ATCAY: variants seen among roughly 807,000 people sequenced by gnomAD.
ATCAY encodes the protein caytaxin.
Under a neutral mutation model 47.7 loss-of-function variants are expected in ATCAY, and 22 were observed. The ratio of observed to expected loss-of-function variants is 0.46; its 90% CI spans 0.33 to 0.66. The LOEUF (loss-of-function observed/expected upper bound fraction) is 0.66. Ranked by LOEUF, ATCAY falls within the 30% of genes least tolerant of loss-of-function variation. The probability of loss-of-function intolerance (pLI) is 0.02; values close to 1 mark genes in which losing one functional copy is unlikely to be tolerated. For synonymous variants in ATCAY, 216 were observed against 207.6 expected (o/e 1.04, Z -0.35); for missense variants, 452 against 515.0 (o/e 0.88, Z 1.18).
intron 9 of ATCAY, 58 bp downstream of exon 9, chr19:3,913,914 G>T: frequency 2.0e-6 from 3 of 1,487,894 alleles, no homozygotes; most frequent in Non-Finnish European, 2.8e-6. Context: ...TGCTGATAAA[G>T]ACACACCTGA....
chr19:3,923,361 G>A (rs568918363), intron 12 of ATCAY, among the ~76,000 whole-genome samples: 9 of 152,154 alleles, frequency 5.9e-5, no homozygotes, highest in Non-Finnish European at 1.2e-4. Flanking sequence ...TAATAAGCAT[G>A]TTTTAACAAT....
intron 4 of ATCAY, among the ~76,000 whole-genome samples, chr19:3,905,980 G>A (rs1031790902): frequency 7.9e-5 from 12 of 152,002 alleles, no homozygotes; most frequent in African/African-American, 2.9e-4. Context: ...AGACCATCCT[G>A]GCTGACACAG....
intron 10 of ATCAY, among the ~76,000 whole-genome samples, chr19:3,918,566 C>A (rs12983915): frequency 4.1e-4 from 55 of 133,694 alleles, no homozygotes; most frequent in South Asian, 2.9e-3. Flanking sequence ...AAAAAAAAAA[C>A]AAAAAAAAAC....
chr19:3,914,235 C>CAAAAAAAAAAAAAAAAAAA lies in ATCAY; in HGVS notation c.965+394_965+395insAAAAAAAAAAAAAAAAAAA, dbSNP rs56742726. Among the ~76,000 whole-genome samples, 46 of 62,548 alleles carry CAAAAAAAAAAAAAAAAAAA rather than the reference C, an allele frequency of 7.4e-4. 7 individuals carry two copies. The highest frequency in any genetic ancestry group is 4.0e-3 in the African/African-American group (38 of 9,552). The allele number at this position is 62,548 out of a possible 152,430, so 41.0% of individuals were successfully genotyped here. ...TGGGCCACAGAGCGAGACTCCATCGCAAAAAAAAAAAAAAAGGGCTAACGG... is the reference window on the plus strand; with the variant it reads ...TGGGCCACAGAGCGAGACTCCATCGCAAAAAAAAAAAAAAAAAAAAAAAAAAAAAAAAAAGGGCTAACGG... On this transcript the variant is annotated intron_variant, in intron 9 of 12. Transcript: ENST00000450849.
Position 3,920,799 on chromosome 19 carries a change from G to A in ATCAY, c.1106+1G>A, listed in dbSNP as rs1306164132. On this transcript the variant is annotated splice_donor_variant, in intron 12 of 12. Transcript: ENST00000450849. LOFTEE classifies it high-confidence loss of function. ...TGGTCTCAGAAGATCAGGAAACAAG[G>A]TGGGTGTGATGCAGAGTGGTCTTCG... 3 of 1,613,654 alleles carry A rather than the reference G, an allele frequency of 1.9e-6. No individual in the cohort carries two copies. Among genetic ancestry groups the A allele is most frequent in the African/African-American group, 1.3e-5 (1 of 74,924 alleles).
intron 2 of ATCAY, 31 bp from the exon 3 acceptor site, chr19:3,902,456 G>T: frequency 6.4e-7 from 1 of 1,559,122 alleles, no homozygotes; most frequent in Non-Finnish European, 8.7e-7. Context: ...GGTGCCCGGC[G>T]ACTGATGCCT....
intron 2 of ATCAY, among the ~76,000 whole-genome samples, chr19:3,887,718 C>G (rs1212166565): frequency 6.6e-6 from 1 of 150,596 alleles, no homozygotes. Flanking sequence ...GATCGTCTGA[C>G]CTCGTGATCC....
chr19:3,881,501 TG>T (rs36117954), intron 1 of ATCAY, among the ~76,000 whole-genome samples: 48,402 of 151,612 alleles, frequency 0.32, 8,417 homozygotes, highest in Non-Finnish European at 0.39. Flanking sequence ...AACTCGTATG[TG>T]ATTTGTTAAT....
chr19:3,902,839 T>C (rs1353867057), intron 3 of ATCAY, among the ~76,000 whole-genome samples: 1 of 152,094 alleles, frequency 6.6e-6, no homozygotes, highest in Non-Finnish European at 1.5e-5. Context: ...AGAGGGGGCA[T>C]GTAAGGATTA....
chr19:3,908,451 G>A (rs967991593), intron 6 of ATCAY, 81 bp downstream of exon 6: 4 of 1,306,336 alleles, frequency 3.1e-6, no homozygotes, highest in Non-Finnish European at 3.2e-6. Flanking sequence ...TGCAAGGATT[G>A]CATTGTGGCC....
At chr19:3,892,806 G>T (rs1349777156) in intron 2 of ATCAY, among the ~76,000 whole-genome samples, 1 of 152,024 alleles carries the variant, frequency 6.6e-6, no homozygotes, top group Non-Finnish European at 1.5e-5. Flanking sequence ...TACTGGGGAG[G>T]CTGAAGCAGG....
At chr19:3,920,580 T>A (rs907976183) in intron 11 of ATCAY, 186 bp from the exon 12 acceptor site, 1 of 269,732 alleles carries the variant, frequency 3.7e-6, no homozygotes, top group Non-Finnish European at 6.7e-6. Context: ...TGACCTCAAG[T>A]GATCCACCCA....
intron 3 of ATCAY, 148 bp downstream of exon 3, chr19:3,902,693 G>A (rs996534609): frequency 1.2e-6 from 1 of 854,044 alleles, no homozygotes; most frequent in African/African-American, 1.7e-5. Context: ...AGTGGCCGTG[G>A]TGGGTGAGAG....
At chr19:3,888,193 G>A (rs1411549322) in intron 2 of ATCAY, among the ~76,000 whole-genome samples, 1 of 151,904 alleles carries the variant, frequency 6.6e-6, no homozygotes, top group African/African-American at 2.4e-5. Context: ...GCTGGCTAAA[G>A]ATAGCTGCTC....
intron 2 of ATCAY, among the ~76,000 whole-genome samples, chr19:3,887,688 A>C (rs10405895): frequency 1.3e-5 from 2 of 149,520 alleles, no homozygotes; most frequent in South Asian, 2.1e-4. Context: ...GGGTTTCACC[A>C]TGTTAGCCAG....
rs1046245034 is a variant in ATCAY at position 3,917,159 on chromosome 19, T to C, written c.966-583T>C. ...GCATCTATGGGCCAGGTGTGGTGGC[T>C]CATGCCTGTAATCCCAGCACTTTGG... is the stretch of plus-strand genomic sequence containing the variant. On this transcript the variant is annotated intron_variant, in intron 9 of 12. Transcript: ENST00000450849. Among the ~76,000 whole-genome samples the C allele has an allele frequency of 3.9e-5, 6 of 152,128 alleles. No homozygotes were observed. In the East Asian group the frequency reaches 9.8e-4, roughly 25 times the overall value.
intron 2 of ATCAY, among the ~76,000 whole-genome samples, chr19:3,899,383 G>A (rs2038796254): frequency 7.1e-6 from 1 of 140,664 alleles, no homozygotes; most frequent in African/African-American, 2.7e-5. Flanking sequence ...GCACGATCTC[G>A]GCTCACCGCA....
chr19:3,905,571 G>C lies in ATCAY; in HGVS notation c.274G>C (p.Asp92His), dbSNP rs1374160586. 6.2e-7 allele frequency: 1 copy of C among 1,613,764 alleles called. No individual in the cohort carries two copies. The highest frequency in any genetic ancestry group is 1.7e-5 in the Admixed American group (1 of 59,944). The change falls in exon 4 of 13, where the codon GAT becomes CAT. Residue 92 changes from aspartate to histidine, a missense_variant. Transcript: ENST00000450849. ...CTTCTTGGATACCCCTGATGACCTG[G>C]ATATTAACGTGGATGACATCGAGAC... The part of the protein sequence containing the change: ...DDFLDTPDDL[D>H]INVDDIETPD...
intron 1 of ATCAY, among the ~76,000 whole-genome samples, chr19:3,884,859 G>C (rs2038634158): frequency 6.6e-6 from 1 of 151,956 alleles, no homozygotes. Context: ...CGCTTAGAGA[G>C]GCCGAGGCAG....
Sources: allele counts gnomAD v4.1 joint callset (sites outside exome capture counted in the v4.1 genomes callset), GRCh38; gene constraint gnomAD v4.1.1; transcripts MANE v1.5; gene names NCBI Gene and HGNC (gene_info 2026-07-23, HGNC 2026-07-21).